The following PPP1R16B variants were observed in gnomAD, a reference collection of about 807,000 sequenced individuals.
The protein encoded by PPP1R16B is protein phosphatase 1 regulatory inhibitor subunit 16B.
Under a neutral mutation model 61.7 loss-of-function variants are expected in PPP1R16B, and 14 were observed. That is an observed-to-expected ratio of 0.23 (90% confidence interval 0.15 to 0.35). PPP1R16B has a LOEUF of 0.35. Among genes scored for constraint, PPP1R16B ranks in the 10% least tolerant of loss-of-function variants. PPP1R16B has a pLI of 1.00. For missense variants in PPP1R16B, 547 were observed against 752.5 expected, an observed-to-expected ratio of 0.73 and a Z score of 3.19; for synonymous variants, 266 against 305.3, an observed-to-expected ratio of 0.87 and a Z score of 1.34.
At chr20:38,866,258 G>A (rs534888194) in intron 2 of PPP1R16B, among the ~76,000 whole-genome samples, 10 of 152,290 alleles carry the variant, frequency 6.6e-5, no homozygotes, top group African/African-American at 1.9e-4. Context: ...CCTAAATCCC[G>A]GGTGTGCTGT....
chr20:38,901,641 C>T (rs2085394892), intron 5 of PPP1R16B, among the ~76,000 whole-genome samples: 1 of 152,194 alleles, frequency 6.6e-6, no homozygotes. Flanking sequence ...AACTCCTGAC[C>T]TCAGGTGATC....
chr20:38,846,065 A>G (rs2084934110), intron 2 of PPP1R16B, among the ~76,000 whole-genome samples: 3 of 152,078 alleles, frequency 2.0e-5, no homozygotes, highest in African/African-American at 7.2e-5. Flanking sequence ...TAGGTGGATG[A>G]CAGTGCCACA....
chr20:38,890,332 A>G (rs1200682172), intron 3 of PPP1R16B, among the ~76,000 whole-genome samples: 1 of 152,232 alleles, frequency 6.6e-6, no homozygotes, highest in African/African-American at 2.4e-5. Context: ...GGGATAAAGA[A>G]CAAACTCTGC....
At position 38,823,618 on chromosome 20, in the gene PPP1R16B, G is replaced by T. The variant is rs1241715355; in HGVS notation, c.-101-12207G>T. Among the ~76,000 whole-genome samples the T allele has an allele frequency of 2.0e-5, 3 of 151,760 alleles. No individual in the cohort carries two copies. The East Asian group carries it at 5.8e-4, about 29-fold the overall frequency. On this transcript the variant is annotated intron_variant, in intron 1 of 10. Coordinates refer to ENST00000299824, the MANE Select transcript of PPP1R16B (RefSeq NM_015568.4). The stretch of plus-strand genomic sequence containing the variant: ...ATAGTGCCACTGCACTCCAGCCTGG[G>T]CAACAGAGACTTTGTCTCAAAAAAA...
rs143540683 is a variant in PPP1R16B at position 38,815,016 on chromosome 20, G to T, written c.-102+9224G>T. On this transcript the variant is annotated intron_variant, in intron 1 of 10. Coordinates refer to ENST00000299824, the MANE Select transcript of PPP1R16B (RefSeq NM_015568.4). The stretch of plus-strand genomic sequence containing the variant: ...AATTACCTTATAAAAATATAGGGAA[G>T]ATTTTCACCAAAATGTCATTCATTT... Among the ~76,000 whole-genome samples the T allele has an allele frequency of 8.3e-4, 126 of 152,154 alleles. 1 individual carries two copies. The highest frequency in any genetic ancestry group is 3.4e-3 in the Middle Eastern group (1 of 292).
At chr20:38,827,900 G>T (rs1355647115) in intron 1 of PPP1R16B, among the ~76,000 whole-genome samples, 1 of 152,154 alleles carries the variant, frequency 6.6e-6, no homozygotes, top group Non-Finnish European at 1.5e-5. Context: ...GAGTAGGAAA[G>T]CCAGCACTGT....
chr20:38,851,847 T>G (rs1270476881), intron 2 of PPP1R16B, among the ~76,000 whole-genome samples: 3 of 152,212 alleles, frequency 2.0e-5, no homozygotes, highest in African/African-American at 7.2e-5. Flanking sequence ...ATATTGAGAC[T>G]GTATCTCTAC....
intron 2 of PPP1R16B, among the ~76,000 whole-genome samples, 200 bp downstream of exon 2, chr20:38,836,375 AG>A (rs1221574213): frequency 6.6e-6 from 1 of 151,966 alleles, no homozygotes; most frequent in Non-Finnish European, 1.5e-5. Flanking sequence ...TTTCTAAGAC[AG>A]GGTCTCGCTC....
chr20:38,840,603 C>T (rs2084903330), intron 2 of PPP1R16B, among the ~76,000 whole-genome samples: 1 of 152,228 alleles, frequency 6.6e-6, no homozygotes, highest in Non-Finnish European at 1.5e-5. Flanking sequence ...TAACCCTCAG[C>T]TTTGAGTCCA....
rs905775420 is a variant in PPP1R16B, at chr20:38,806,352, G to GC, written c.-102+564dup. 1.6e-4 allele frequency among the ~76,000 whole-genome samples: 24 copies of GC among 152,016 alleles called. No homozygotes were observed. Among genetic ancestry groups the GC allele is most frequent in the Admixed American group, 1.2e-3 (18 of 15,282 alleles). On this transcript the variant is annotated intron_variant, in intron 1 of 10. Transcript: ENST00000299824. The surrounding 1 kb of genome is among the most constrained non-coding windows in gnomAD (Gnocchi z 4.5). ...GGCAGGCGCCTCCACCTGCAGACCC[G>GC]CCCCGCCTCAGGATCCGGCTGACAG...
intron 1 of PPP1R16B, among the ~76,000 whole-genome samples, chr20:38,819,557 C>T (rs1341373171): frequency 6.6e-6 from 1 of 152,090 alleles, no homozygotes; most frequent in East Asian, 1.9e-4. Context: ...TATTAACATC[C>T]TCTGGCGCTA....
chr20:38,862,100 C>G (rs1408793536), intron 2 of PPP1R16B, among the ~76,000 whole-genome samples: 1 of 152,202 alleles, frequency 6.6e-6, no homozygotes, highest in African/African-American at 2.4e-5. Context: ...GGCCCCCCAG[C>G]CTTGTTGCCT....
intron 3 of PPP1R16B, among the ~76,000 whole-genome samples, chr20:38,893,392 G>A (rs543626775): frequency 1.3e-5 from 2 of 152,276 alleles, no homozygotes; most frequent in Admixed American, 6.5e-5. Context: ...TCAGAGGTTT[G>A]TAAACGGAGA....
chr20:38,834,848 A>T (rs943276298), intron 1 of PPP1R16B, among the ~76,000 whole-genome samples: 26 of 152,142 alleles, frequency 1.7e-4, no homozygotes, highest in African/African-American at 6.3e-4. Context: ...TAACATTTTG[A>T]TGAAAAATAG....
chr20:38,805,891 C>T (rs1169650488), intron 1 of PPP1R16B, 99 bp downstream of exon 1: 1 of 150,742 alleles, frequency 6.6e-6, no homozygotes, highest in Non-Finnish European at 1.5e-5. Context: ...CCTGCTATCA[C>T]CTAGCTGGGG....
At position 38,806,207 on chromosome 20, in the gene PPP1R16B, C is replaced by A. The variant is rs553556471; in HGVS notation, c.-102+415C>A. Among the ~76,000 whole-genome samples, 10 of 152,198 alleles carry A rather than the reference C, an allele frequency of 6.6e-5. No homozygotes were observed. Among genetic ancestry groups the A allele is most frequent in the East Asian group, 1.9e-4 (1 of 5,140 alleles). On this transcript the variant is annotated intron_variant, in intron 1 of 10. Coordinates refer to ENST00000299824, the MANE Select transcript of PPP1R16B (RefSeq NM_015568.4). The surrounding 1 kb of genome is among the most constrained non-coding windows in gnomAD (Gnocchi z 4.5). Reference sequence around the variant, plus strand: ...GCCACAGCGGACACCAAACAACCCCCCCCCGCGCACTCTCCCGGCCGGGCA... The same window carrying A: ...GCCACAGCGGACACCAAACAACCCCACCCCGCGCACTCTCCCGGCCGGGCA...
At chr20:38,811,612 C>T (rs540193997) in intron 1 of PPP1R16B, among the ~76,000 whole-genome samples, 3 of 152,326 alleles carry the variant, frequency 2.0e-5, no homozygotes, top group African/African-American at 4.8e-5. Context: ...TATATGTGAG[C>T]ATTACTCTTT....
chr20:38,857,786 G>A (rs776046332), intron 2 of PPP1R16B, among the ~76,000 whole-genome samples: 1 of 151,922 alleles, frequency 6.6e-6, no homozygotes, highest in Admixed American at 6.6e-5. Context: ...ATTGACCCAA[G>A]TATCTCTCAG....
At chr20:38,897,324 C>T (rs1339741939) in intron 4 of PPP1R16B, among the ~76,000 whole-genome samples, 1 of 152,056 alleles carries the variant, frequency 6.6e-6, no homozygotes, top group African/African-American at 2.4e-5. Context: ...GAGACACCAT[C>T]TTAAAAAAAC....
Sources: gnomAD v4.1 joint callset for allele counts (sites outside exome capture counted in the v4.1 genomes callset) on GRCh38, gnomAD v4.1.1 for gene constraint, Gnocchi (gnomAD v3.1) non-coding constraint, MANE v1.5 for transcripts, NCBI Gene and HGNC (gene_info 2026-07-23, HGNC 2026-07-21) for gene names.